The following TBCB variants were observed in gnomAD, a reference collection of about 807,000 sequenced individuals.
TBCB encodes the protein tubulin folding cofactor B, also known as tubulin-folding cofactor B.
Under a neutral mutation model 29.2 loss-of-function variants are expected in TBCB, and 18 were observed. The ratio of observed to expected loss-of-function variants is 0.62; its 90% CI spans 0.43 to 0.91. The LOEUF is 0.91. TBCB is among the 40% of genes least tolerant of loss of function. The pLI is 0.00. For missense variants in TBCB, 336 were observed against 337.6 expected, an observed-to-expected ratio of 1.00 and a Z score of 0.04; for synonymous variants, 172 against 137.8, an observed-to-expected ratio of 1.25 and a Z score of -1.74.
intron 2 of TBCB, 149 bp downstream of exon 2, chr19:36,116,333 C>A: frequency 9.3e-7 from 1 of 1,071,470 alleles, no homozygotes; most frequent in Non-Finnish European, 1.3e-6. Context: ...ACAGACCCAT[C>A]ATTAGACAGG....
At chr19:36,115,857 G>A in intron 1 of TBCB, 183 bp downstream of exon 1, 2 of 1,090,574 alleles carry the variant, frequency 1.8e-6, no homozygotes, top group Non-Finnish European at 2.6e-6. Flanking sequence ...GCAGAGATGA[G>A]GGCCGGGTCC....
At chr19:36,123,027 TTC>T (rs1214980830) in intron 4 of TBCB, among the ~76,000 whole-genome samples, 1 of 152,128 alleles carries the variant, frequency 6.6e-6, no homozygotes, top group Non-Finnish European at 1.5e-5. Flanking sequence ...TTCTGGATGT[TTC>T]ATAGGAATAG....
At chr19:36,116,266 A>G (rs1973952975) in intron 2 of TBCB, 82 bp downstream of exon 2, 16 of 1,558,678 alleles carry the variant, frequency 1.0e-5, no homozygotes, top group Admixed American at 1.8e-5. Flanking sequence ...CTTTGCCCTC[A>G]GTCATACCCG....
At chr19:36,120,322 C>A (rs545875990) in intron 2 of TBCB, among the ~76,000 whole-genome samples, 3 of 152,280 alleles carry the variant, frequency 2.0e-5, no homozygotes, top group African/African-American at 7.2e-5. Flanking sequence ...GGAAGAGATG[C>A]TCTGGGGCCT....
intron 4 of TBCB, among the ~76,000 whole-genome samples, chr19:36,124,993 G>GT (rs57766416): frequency 0.15 from 22,065 of 152,006 alleles, 1,805 homozygotes; most frequent in Admixed American, 0.25. Flanking sequence ...CTTCTGCTCA[G>GT]TTTTTCATTG....
chr19:36,116,075 C>G lies in TBCB; in HGVS notation c.149C>G (p.Ser50Cys), dbSNP rs1219805072. 6.2e-7 allele frequency: 1 copy of G among 1,614,172 alleles called. No individual in the cohort carries two copies. The highest frequency in any genetic ancestry group is 8.5e-7 in the Non-Finnish European group (1 of 1,180,032). Residue 50 changes from serine (S) to cysteine (C), a missense_variant, in exon 2 of 6, where the codon TCC becomes TGC. By Grantham distance (112) the Ser-to-Cys change is moderately radical (BLOSUM62 -1). Coordinates refer to ENST00000221855, the MANE Select transcript of TBCB (RefSeq NM_001281.3). ...KLELLVGSPA[S>C]CMELELYGVD... Reference sequence around the variant, plus strand: ...GAGTTGCTGGTGGGCAGCCCTGCTTCCTGCATGGAACTGGAGCTGTATGGA... The same window carrying G: ...GAGTTGCTGGTGGGCAGCCCTGCTTGCTGCATGGAACTGGAGCTGTATGGA...
intron 2 of TBCB, among the ~76,000 whole-genome samples, chr19:36,117,425 A>G (rs1019600211): frequency 2.6e-5 from 4 of 152,022 alleles, no homozygotes; most frequent in African/African-American, 9.7e-5. Context: ...GCTCACTGCA[A>G]CCTCTGTCTC....
Position 36,123,160 on chromosome 19 carries a change from G to A in TBCB, c.547+1442G>A, listed in dbSNP as rs532391105. ...GTTGCCAAATAGTCCTGCATTGAGCGCCTAGACCACAGTGTATCCAGTCAC... is the reference window on the plus strand; with the variant it reads ...GTTGCCAAATAGTCCTGCATTGAGCACCTAGACCACAGTGTATCCAGTCAC... On this transcript the variant is annotated intron_variant, in intron 4 of 5. Coordinates refer to ENST00000221855, the MANE Select transcript of TBCB (RefSeq NM_001281.3). 7.2e-5 allele frequency among the ~76,000 whole-genome samples: 11 copies of A among 152,116 alleles called. No homozygotes were observed. In the South Asian group the frequency reaches 8.3e-4, roughly 11 times the overall value.
upstream of TBCB, chr19:36,115,229 G>C (rs1407062288): frequency 1.9e-6 from 1 of 535,238 alleles, no homozygotes; most frequent in East Asian, 3.3e-5. Flanking sequence ...TTTACCCTTC[G>C]CGGACTGGGC....
chr19:36,120,595 C>A, intron 2 of TBCB, 115 bp from the exon 3 acceptor site: 1 of 811,888 alleles, frequency 1.2e-6, no homozygotes, highest in Non-Finnish European at 2.0e-6. Context: ...GGCTGCAGTA[C>A]AGGCGAGGGA....
intron 4 of TBCB, among the ~76,000 whole-genome samples, chr19:36,124,454 C>CA (rs1329376961): frequency 6.6e-6 from 1 of 152,128 alleles, no homozygotes; most frequent in Admixed American, 6.5e-5. Flanking sequence ...CTCCTGGCCT[C>CA]AAGTGATCCA....
At position 36,125,731 on chromosome 19, in the gene TBCB, C is replaced by T. The variant is rs146159771; in HGVS notation, c.684C>T (p.Val228=). 2.3e-5 allele frequency: 36 copies of T among 1,576,192 alleles called. No individual in the cohort carries two copies. Among genetic ancestry groups the T allele is most frequent in the South Asian group, 1.3e-4 (11 of 84,688 alleles). Residue 228 remains valine (V), a synonymous_variant, in exon 6 of 6, where the codon GTC becomes GTT. Transcript: ENST00000221855. ...ATGGCGCCTTTGTCAAGCCAGCAGT[C>T]GTGACGGTGGGGGACTTCCCGGAGG... The part of the protein sequence containing the change: ...AKYGAFVKPA[V]VTVGDFPEED...
chr19:36,125,422 C>T (rs747640061), intron 4 of TBCB, 29 bp from the exon 5 acceptor site: 5 of 1,611,480 alleles, frequency 3.1e-6, no homozygotes, highest in Middle Eastern at 1.7e-4. Flanking sequence ...TGTCCAGAAG[C>T]TTCACAGGGA....
chr19:36,115,900 C>T, intron 1 of TBCB, 141 bp from the exon 2 acceptor site: 1 of 1,304,282 alleles, frequency 7.7e-7, no homozygotes, highest in Non-Finnish European at 1.1e-6. Context: ...AGGGCGGGGG[C>T]AAGAGGCGAG....
chr19:36,119,511 A>G (rs781238670), intron 2 of TBCB, among the ~76,000 whole-genome samples: 30 of 152,274 alleles, frequency 2.0e-4, no homozygotes, highest in Non-Finnish European at 4.4e-4. Context: ...CATCTCAGCC[A>G]GAGGGAGCCT....
At position 36,115,599 on chromosome 19, in the gene TBCB, T is replaced by A; in HGVS notation, c.39T>A (p.Val13=). ...VTGVSAPTVT[V]FISSSLNTFR... ...GGGTGTCGGCACCCACGGTGACCGT[T>A]TTCATCAGCAGCTCCCTCAACACCT... is the stretch of plus-strand genomic sequence containing the variant. Residue 13 remains valine, a synonymous_variant, in exon 1 of 6, where the codon GTT becomes GTA. Transcript: ENST00000221855. The A allele has an allele frequency of 6.2e-7, 1 of 1,610,430 alleles. No individual in the cohort carries two copies. Among genetic ancestry groups the A allele is most frequent in the Non-Finnish European group, 8.5e-7 (1 of 1,178,638 alleles).
intron 4 of TBCB, among the ~76,000 whole-genome samples, chr19:36,124,265 C>G (rs1482715291): frequency 6.6e-6 from 1 of 152,232 alleles, no homozygotes; most frequent in Non-Finnish European, 1.5e-5. Flanking sequence ...CTCCGTCACC[C>G]AGGCTGGAGT....
chr19:36,115,720 G>T (rs201239089), intron 1 of TBCB, 46 bp downstream of exon 1: 196 of 1,445,478 alleles, frequency 1.4e-4, no homozygotes, highest in Non-Finnish European at 2.8e-6. Context: ...CGAAGAAATT[G>T]GGGGGTTCCC....
Position 36,120,731 on chromosome 19 carries a change from C to T in TBCB, c.280C>T (p.Arg94Cys), listed in dbSNP as rs1248146724. Reference protein sequence around the residue: ...RIHVIDHSGARLGEYEDVSRV... With the variant: ...RIHVIDHSGACLGEYEDVSRV... ...ACAGGTCATTGACCACAGTGGCGCC[C>T]GCCTTGGTGAGTATGAGGACGTGTC... Residue 94 changes from arginine (R) to cysteine (C), a missense_variant, in exon 3 of 6, where the codon CGC becomes TGC. Transcript: ENST00000221855. 12 of 1,614,004 alleles carry T rather than the reference C, an allele frequency of 7.4e-6. No individual in the cohort carries two copies. The highest frequency in any genetic ancestry group is 2.7e-5 in the African/African-American group (2 of 74,914).
Sources: allele counts gnomAD v4.1 joint callset (sites outside exome capture counted in the v4.1 genomes callset), GRCh38; gene constraint gnomAD v4.1.1; transcripts MANE v1.5; gene names NCBI Gene and HGNC (gene_info 2026-07-23, HGNC 2026-07-21).